Variants in KPNA7 observed in about 807,000 individuals in gnomAD.
The protein encoded by KPNA7 is importin subunit alpha-8.
In KPNA7, 54 loss-of-function variants were observed where a neutral mutation model predicts 53.7. That is an observed-to-expected ratio of 1.01 (90% CI 0.81 to 1.26). The LOEUF is 1.26. Ranked by LOEUF, KPNA7 falls within the 50% of genes most tolerant of loss-of-function variation. The probability of loss-of-function intolerance (pLI) is 0.00; values close to 1 mark genes in which losing one functional copy is unlikely to be tolerated. For missense variants in KPNA7, 640 were observed against 644.5 expected (o/e 0.99, Z 0.07); for synonymous variants, 276 against 259.3 (o/e 1.06, Z -0.62).
At chr7:99,200,489 GGACTA>G (rs1285733501) in intron 3 of KPNA7, among the ~76,000 whole-genome samples, 1 of 152,072 alleles carries the variant, frequency 6.6e-6, no homozygotes, top group Non-Finnish European at 1.5e-5. Flanking sequence ...ACAGGTTTGG[GGACTA>G]GAAGATGCAG....
the KPNA7 span, among the ~76,000 whole-genome samples, chr7:99,165,899 G>A: frequency 6.6e-6 from 1 of 152,112 alleles, no homozygotes; most frequent in African/African-American, 2.4e-5. Context: ...CCCAACGTTG[G>A]GGGTGGGGCC....
At chr7:99,146,116 AAG>A in the KPNA7 span, among the ~76,000 whole-genome samples, 1 of 152,016 alleles carries the variant, frequency 6.6e-6, no homozygotes, top group Non-Finnish European at 1.5e-5. Flanking sequence ...CCCCTATTCA[AAG>A]AGTCTCCTCT....
intron 9 of KPNA7, among the ~76,000 whole-genome samples, chr7:99,180,585 C>G (rs1799133579): frequency 1.6e-5 from 2 of 123,046 alleles, no homozygotes; most frequent in African/African-American, 3.4e-5. Context: ...CTCTGTCCAT[C>G]TCTCCGTCTC....
At chr7:99,214,822 A>G (rs1431026672) in intron 1 of KPNA7, among the ~76,000 whole-genome samples, 2 of 151,582 alleles carry the variant, frequency 1.3e-5, no homozygotes, top group East Asian at 3.9e-4. Context: ...GATGTTAGAA[A>G]GGAGGAAAGC....
At chr7:99,188,141 T>C (rs370649046) in intron 7 of KPNA7, among the ~76,000 whole-genome samples, 159 bp downstream of exon 7, 27 of 126,478 alleles carry the variant, frequency 2.1e-4, no homozygotes, top group South Asian at 1.0e-3. Flanking sequence ...TGCCACTGCA[T>C]TCCAGCCTGG....
downstream of KPNA7, among the ~76,000 whole-genome samples, chr7:99,169,145 T>C (rs1241756366): frequency 6.6e-6 from 1 of 151,350 alleles, no homozygotes; most frequent in Non-Finnish European, 1.5e-5. Context: ...ACAGAGAGAC[T>C]CCCTGTCTCA....
At chr7:99,175,457 G>A (rs756245528) in intron 10 of KPNA7, among the ~76,000 whole-genome samples, 1 of 151,334 alleles carries the variant, frequency 6.6e-6, no homozygotes. Context: ...GCAATTATAG[G>A]CATGAGCTAC....
chr7:99,175,939 A>G (rs1345635848), intron 10 of KPNA7, among the ~76,000 whole-genome samples: 1 of 152,076 alleles, frequency 6.6e-6, no homozygotes, highest in Non-Finnish European at 1.5e-5. Context: ...GAGAAGTGTC[A>G]CTCTGTAAAC....
At chr7:99,157,649 G>T in the KPNA7 span, among the ~76,000 whole-genome samples, 141,643 of 152,274 alleles carry the variant, frequency 0.93, 66,035 homozygotes, top group East Asian at 1. Context: ...ATTCCTGTTA[G>T]ATTTCCCCTA....
At chr7:99,154,761 A>T in the KPNA7 span, among the ~76,000 whole-genome samples, 1 of 151,968 alleles carries the variant, frequency 6.6e-6, no homozygotes, top group Non-Finnish European at 1.5e-5. Flanking sequence ...TCCTGACCTC[A>T]TGAACCGCCC....
chr7:99,192,869 C>T (rs2150744992), intron 6 of KPNA7, 150 bp downstream of exon 6: 1 of 538,890 alleles, frequency 1.9e-6, no homozygotes, highest in East Asian at 3.2e-5. Flanking sequence ...TGGCTCACGT[C>T]CATAATCCCA....
At chr7:99,209,682 CAAAAAAAAA>C (rs60377276), upstream of KPNA7, among the ~76,000 whole-genome samples, 15 of 73,518 alleles carry the variant, frequency 2.0e-4, no homozygotes, top group Admixed American at 9.0e-4. Context: ...GACTCCAACT[CAAAAAAAAA>C]AAAAAAAAAA....
chr7:99,152,720 T>C, the KPNA7 span, among the ~76,000 whole-genome samples: 1 of 152,192 alleles, frequency 6.6e-6, no homozygotes, highest in South Asian at 2.1e-4. Flanking sequence ...ACAAGCCGCA[T>C]GTATTTCTGC....
downstream of KPNA7, among the ~76,000 whole-genome samples, chr7:99,168,752 T>C (rs1329602183): frequency 1.3e-5 from 2 of 152,154 alleles, no homozygotes; most frequent in Non-Finnish European, 2.9e-5. Context: ...TCCACCTCGG[T>C]CTCCTGAGTA....
chr7:99,171,715 C>T (rs182541926), downstream of KPNA7, among the ~76,000 whole-genome samples: 282 of 152,294 alleles, frequency 1.9e-3, 3 homozygotes, highest in Admixed American at 6.0e-3. Context: ...GTGATGGTTC[C>T]ACTGCACTCC....
At position 99,180,795 on chromosome 7, in the gene KPNA7, C is replaced by G. The variant is rs545905623; in HGVS notation, c.1317+1088G>C. The stretch of plus-strand genomic sequence containing the variant: ...TCTCTCTCTCTCTCCCCGTCTGTGT[C>G]TCTCTCTCTCTCCCCGTCTGTGTCT... On this transcript the variant is annotated intron_variant, in intron 9 of 10. Coordinates refer to ENST00000327442, the MANE Select transcript of KPNA7 (RefSeq NM_001145715.3). 3.4e-4 allele frequency among the ~76,000 whole-genome samples: 26 copies of G among 75,898 alleles called. 2 individuals are homozygous for G. Among genetic ancestry groups the G allele is most frequent in the African/African-American group, 6.0e-4 (15 of 25,100 alleles). The allele number at this position is 75,898 out of a possible 152,430, so 49.8% of individuals were successfully genotyped here. A position where few individuals can be genotyped will look rare whatever the true frequency, so the allele number is the denominator to read the frequency against.
the KPNA7 span, among the ~76,000 whole-genome samples, chr7:99,155,604 A>G: frequency 5.9e-5 from 9 of 152,216 alleles, no homozygotes; most frequent in African/African-American, 1.9e-4. Context: ...TCTGTTGCCC[A>G]GGCTGGAGTG....
intron 2 of KPNA7, 50 bp from the exon 3 acceptor site, chr7:99,203,290 A>G: frequency 6.5e-7 from 1 of 1,528,536 alleles, no homozygotes; most frequent in African/African-American, 1.4e-5. Context: ...TGGGGATGTC[A>G]CATTTAGTCT....
chr7:99,205,978 C>T (rs1790792954), intron 2 of KPNA7, among the ~76,000 whole-genome samples: 1 of 152,152 alleles, frequency 6.6e-6, no homozygotes, highest in Admixed American at 6.6e-5. Context: ...TTGGGCTCAA[C>T]CTGGAAGCAA....
Sources: allele counts gnomAD v4.1 joint callset (sites outside exome capture counted in the v4.1 genomes callset), GRCh38; gene constraint gnomAD v4.1.1; transcripts MANE v1.5; gene names NCBI Gene and HGNC (gene_info 2026-07-23, HGNC 2026-07-21).